The following TEAD4 variants were observed in gnomAD, a reference collection of about 807,000 sequenced individuals.
The protein encoded by TEAD4 is transcriptional enhancer factor TEF-3.
TEAD4 carries 36 observed loss-of-function variants against 52.4 expected under a neutral mutation model. The observed-to-expected ratio is 0.69, with a 90% CI of 0.53 to 0.91. TEAD4 has a LOEUF of 0.91. TEAD4 is among the 40% of genes least tolerant of loss of function. TEAD4 has a pLI of 0.00. For synonymous variants in TEAD4, 220 were observed against 231.0 expected (o/e 0.95, Z 0.43); for missense variants, 508 against 583.9 (o/e 0.87, Z 1.34).
chr12:3,022,491 T>A (rs1591593464), intron 10 of TEAD4, among the ~76,000 whole-genome samples: 3 of 152,120 alleles, frequency 2.0e-5, no homozygotes, highest in African/African-American at 7.2e-5. Flanking sequence ...AAGTGTTGGA[T>A]GGGTCACCCA....
At chr12:2,979,660 G>A (rs2098232627) in intron 2 of TEAD4, among the ~76,000 whole-genome samples, 1 of 152,208 alleles carries the variant, frequency 6.6e-6, no homozygotes, top group Non-Finnish European at 1.5e-5. Flanking sequence ...TGACTATTCT[G>A]TGATTAATGA....
intron 3 of TEAD4, among the ~76,000 whole-genome samples, chr12:3,004,140 T>C (rs1029258034): frequency 1.9e-4 from 29 of 152,124 alleles, no homozygotes; most frequent in Admixed American, 5.9e-4. Flanking sequence ...GGACCTCAGG[T>C]CCAAGTAGTT....
At chr12:3,016,701 C>T (rs1234954553) in intron 5 of TEAD4, among the ~76,000 whole-genome samples, 4 of 152,000 alleles carry the variant, frequency 2.6e-5, no homozygotes, top group African/African-American at 4.8e-5. Flanking sequence ...CTTTGGAATT[C>T]GGGCACTCAG....
intron 2 of TEAD4, among the ~76,000 whole-genome samples, chr12:2,973,849 T>A (rs550835809): frequency 6.6e-6 from 1 of 152,066 alleles, no homozygotes. Flanking sequence ...CCTTCTGGAA[T>A]GGGAGGCGCG....
chr12:3,032,423 A>T (rs1321868516), intron 10 of TEAD4, among the ~76,000 whole-genome samples: 4 of 152,082 alleles, frequency 2.6e-5, no homozygotes, highest in African/African-American at 9.7e-5. Context: ...GCCGCTGGAC[A>T]GGGGGCTGTG....
intron 2 of TEAD4, among the ~76,000 whole-genome samples, chr12:2,968,381 C>CG (rs2098222254): frequency 8.0e-6 from 1 of 124,978 alleles, no homozygotes; most frequent in Non-Finnish European, 1.6e-5. Flanking sequence ...CCACCGCGCC[C>CG]GGCCTTTTTT....
intron 2 of TEAD4, among the ~76,000 whole-genome samples, chr12:2,962,754 C>T (rs1022148427): frequency 6.6e-6 from 1 of 152,226 alleles, no homozygotes; most frequent in Non-Finnish European, 1.5e-5. Context: ...GCGTGAGCCA[C>T]TGCGCCTGGC....
At chr12:3,039,188 T>A (rs567242259) in intron 11 of TEAD4, among the ~76,000 whole-genome samples, 1 of 152,382 alleles carries the variant, frequency 6.6e-6, no homozygotes, top group Non-Finnish European at 1.5e-5. Context: ...CACCAGTGCC[T>A]GAAACCCATT....
At chr12:2,962,430 G>C (rs186225479) in intron 2 of TEAD4, among the ~76,000 whole-genome samples, 147 of 150,720 alleles carry the variant, frequency 9.8e-4, no homozygotes, top group Admixed American at 1.8e-3. Context: ...CTGCCTCCCG[G>C]GTTCAAGCGA....
intron 3 of TEAD4, among the ~76,000 whole-genome samples, chr12:2,996,096 T>C (rs1023581737): frequency 6.6e-6 from 1 of 151,406 alleles, no homozygotes; most frequent in Non-Finnish European, 1.5e-5. Context: ...GAAAGTCCTC[T>C]AGGAATCCTA....
At chr12:2,977,309 T>TCCCCTTCCTGCTCTCTCTCCCTTTC (rs1235006057) in intron 2 of TEAD4, among the ~76,000 whole-genome samples, 19 of 152,246 alleles carry the variant, frequency 1.2e-4, no homozygotes, top group Middle Eastern at 3.4e-3. Context: ...TTTCTCTTTC[T>TCCCCTTCCTGCTCTCTCTCCCTTTC]CCCCTTCCTG....
At chr12:2,967,711 AT>A (rs1194668562) in intron 2 of TEAD4, among the ~76,000 whole-genome samples, 3 of 152,194 alleles carry the variant, frequency 2.0e-5, no homozygotes, top group African/African-American at 7.2e-5. Context: ...TATTCTAGAC[AT>A]TTCTGCCTTC....
intron 3 of TEAD4, among the ~76,000 whole-genome samples, chr12:2,997,807 G>T (rs570222943): frequency 1.7e-5 from 2 of 118,990 alleles, no homozygotes; most frequent in African/African-American, 9.0e-5. Flanking sequence ...TGCTTTTTCG[G>T]GGGGGGGGTG....
intron 5 of TEAD4, among the ~76,000 whole-genome samples, chr12:3,012,938 C>T (rs1039200944): frequency 6.6e-5 from 10 of 152,112 alleles, no homozygotes; most frequent in African/African-American, 2.2e-4. Flanking sequence ...TAAGTCTAGA[C>T]CATTTATAAA....
chr12:2,977,746 G>A (rs534878014), intron 2 of TEAD4, among the ~76,000 whole-genome samples: 33 of 152,162 alleles, frequency 2.2e-4, no homozygotes, highest in Non-Finnish European at 4.7e-4. Flanking sequence ...CGGACTTCAC[G>A]TGGCCTTTCC....
chr12:2,965,904 C>T (rs1191536348), intron 2 of TEAD4, among the ~76,000 whole-genome samples: 1 of 151,914 alleles, frequency 6.6e-6, no homozygotes, highest in Non-Finnish European at 1.5e-5. Context: ...CTCTGTCACC[C>T]AGGATGGAGT....
At chr12:3,016,741 A>G (rs2098264801) in intron 5 of TEAD4, among the ~76,000 whole-genome samples, 2 of 152,238 alleles carry the variant, frequency 1.3e-5, no homozygotes, top group Admixed American at 1.3e-4. Flanking sequence ...TATGAATATA[A>G]CAAACGATTA....
chr12:2,995,603 C>T (rs1211852360), intron 3 of TEAD4, among the ~76,000 whole-genome samples: 1 of 152,120 alleles, frequency 6.6e-6, no homozygotes, highest in Non-Finnish European at 1.5e-5. Context: ...TTGTGAGTGG[C>T]TGGGGTTGCA....
chr12:3,007,338 C>T (rs566621784), intron 3 of TEAD4, among the ~76,000 whole-genome samples: 6 of 152,306 alleles, frequency 3.9e-5, no homozygotes, highest in African/African-American at 1.4e-4. Flanking sequence ...GAGGAGGTTC[C>T]ATTAACTAAG....
Sources: allele counts gnomAD v4.1 joint callset (sites outside exome capture counted in the v4.1 genomes callset), GRCh38; gene constraint gnomAD v4.1.1; transcripts MANE v1.5; gene names NCBI Gene and HGNC (gene_info 2026-07-23, HGNC 2026-07-21).